Variants in CREB3L2 observed in about 807,000 individuals in gnomAD.
CREB3L2 encodes cAMP responsive element binding protein 3 like 2, also known as cyclic AMP-responsive element-binding protein 3-like protein 2.
In CREB3L2, 23 loss-of-function variants were observed where a neutral mutation model predicts 57.2. The ratio of observed to expected loss-of-function variants is 0.40; its 90% CI spans 0.29 to 0.57. The LOEUF (loss-of-function observed/expected upper bound fraction) is 0.57. Ranked by LOEUF, CREB3L2 falls within the 20% of genes least tolerant of loss-of-function variation. The pLI, the probability that CREB3L2 is intolerant of heterozygous loss-of-function variation, is 0.42. For synonymous variants in CREB3L2, 268 were observed against 265.1 expected (o/e 1.01, Z -0.11); for missense variants, 628 against 634.7 (o/e 0.99, Z 0.11).
intron 1 of CREB3L2, among the ~76,000 whole-genome samples, chr7:137,979,238 C>T (rs528097912): frequency 9.2e-5 from 14 of 152,180 alleles, no homozygotes; most frequent in Non-Finnish European, 1.8e-4. Context: ...TAATTGATCA[C>T]AGCTCTAGCA....
chr7:137,979,484 G>C (rs1801673878), intron 1 of CREB3L2, among the ~76,000 whole-genome samples: 1 of 152,152 alleles, frequency 6.6e-6, no homozygotes, highest in Admixed American at 6.5e-5. Flanking sequence ...CCAGCACTTT[G>C]GGAGGCTGAG....
At chr7:137,972,728 TATATATATAGAGAGAGAGAGAGAGAGAG>T (rs1801536708) in intron 1 of CREB3L2, among the ~76,000 whole-genome samples, 7 of 29,812 alleles carry the variant, frequency 2.3e-4, no homozygotes, top group African/African-American at 1.5e-3. Context: ...TATATATATA[TATATATATAGAGAGAGAGAGAGAGAGAG>T]AGAGAGAGAG....
At chr7:137,964,382 G>A (rs1417945388) in intron 1 of CREB3L2, among the ~76,000 whole-genome samples, 1 of 152,180 alleles carries the variant, frequency 6.6e-6, no homozygotes, top group Non-Finnish European at 1.5e-5. Context: ...CCACTAGCAT[G>A]TCTCTGGCTC....
intron 1 of CREB3L2, chr7:137,999,846 A>T (rs1242450195): frequency 2.6e-5 from 4 of 152,260 alleles, no homozygotes; most frequent in Non-Finnish European, 5.9e-5. Flanking sequence ...TTTTAAAAAT[A>T]GAAATAAAAG....
chr7:137,912,257 A>G (rs1397764070), intron 4 of CREB3L2, among the ~76,000 whole-genome samples: 1 of 151,892 alleles, frequency 6.6e-6, no homozygotes, highest in Non-Finnish European at 1.5e-5. Context: ...CACGCCTGTA[A>G]TTGCAGCTTC....
chr7:137,947,371 G>A lies in CREB3L2; in HGVS notation c.103-19005C>T, dbSNP rs993837271. Among the ~76,000 whole-genome samples, 8 of 152,040 alleles carry A rather than the reference G, an allele frequency of 5.3e-5. No homozygotes were observed. In the South Asian group the frequency reaches 6.2e-4, roughly 12 times the overall value. On this transcript the variant is annotated intron_variant, in intron 1 of 11. Transcript: ENST00000330387. ...TGTCCACTCCCTCACCTACACCCTC[G>A]CTTCTCTGGGTCTACTATCTGAAGA...
intron 1 of CREB3L2, among the ~76,000 whole-genome samples, chr7:137,976,240 C>T (rs1028165663): frequency 6.6e-6 from 1 of 152,234 alleles, no homozygotes. Flanking sequence ...ACCCAGCCAC[C>T]AGGCATGTGC....
Position 137,904,088 on chromosome 7 carries a change from G to A in CREB3L2, c.916-71C>T, listed in dbSNP as rs915428061. 68 of 1,297,474 alleles carry A rather than the reference G, an allele frequency of 5.2e-5. No homozygotes were observed. In the East Asian group the frequency reaches 1.5e-3, roughly 29 times the overall value. 80.4% of individuals were successfully genotyped at this position (1,297,474 alleles called of 1,614,324 possible). On this transcript the variant is annotated intron_variant, in intron 6 of 11. Coordinates refer to ENST00000330387, the MANE Select transcript of CREB3L2 (RefSeq NM_194071.4). Reference sequence around the variant, plus strand: ...AAGTAAACCAGTTAAGATGGGAGGTGGTTAGCGTAGAAGTCACCAAAGCCC... The same window carrying A: ...AAGTAAACCAGTTAAGATGGGAGGTAGTTAGCGTAGAAGTCACCAAAGCCC...
At chr7:137,898,600 C>T (rs530741346) in intron 8 of CREB3L2, among the ~76,000 whole-genome samples, 2 of 152,228 alleles carry the variant, frequency 1.3e-5, no homozygotes, top group South Asian at 4.2e-4. Context: ...TGTGGAGAAC[C>T]GAATAACCAA....
At position 137,946,924 on chromosome 7, in the gene CREB3L2, TTATA is replaced by T. The variant is rs71177934; in HGVS notation, c.103-18562_103-18559del. 1.8e-3 allele frequency among the ~76,000 whole-genome samples: 37 copies of T among 20,582 alleles called. 7 individuals carry two copies. Among genetic ancestry groups the T allele is most frequent in the South Asian group, 6.6e-3 (5 of 754 alleles). The allele number at this position is 20,582 out of a possible 152,430, so 13.5% of individuals were successfully genotyped here. On this transcript the variant is annotated intron_variant, in intron 1 of 11. Coordinates refer to ENST00000330387, the MANE Select transcript of CREB3L2 (RefSeq NM_194071.4). Reference sequence around the variant, plus strand: ...GTTATATATATAGTTATATATATAGTTATATATATAGTTATATATATAGTTATAT... The same window carrying T: ...GTTATATATATAGTTATATATATAGTTATATAGTTATATATATAGTTATAT...
At position 137,875,263 on chromosome 7, in the gene CREB3L2, G is replaced by A. The variant is rs541822976; in HGVS notation, c.*5213C>T. The stretch of plus-strand genomic sequence containing the variant: ...AGCATAGACATTAAAGCTCACCGTT[G>A]ATTATAGCTCAGGGCCTGCTCAGCA... On this transcript the variant is annotated 3_prime_UTR_variant, in exon 12 of 12. Transcript: ENST00000330387. 4.5e-6 allele frequency: 1 copy of A among 220,008 alleles called. No homozygotes were observed. Among genetic ancestry groups the A allele is most frequent in the South Asian group, 1.8e-4 (1 of 5,406 alleles). 13.6% of individuals were successfully genotyped at this position (220,008 alleles called of 1,614,324 possible). A position where few individuals can be genotyped will look rare whatever the true frequency, so the allele number is the denominator to read the frequency against.
intron 2 of CREB3L2, among the ~76,000 whole-genome samples, chr7:137,922,179 C>G (rs1027261974): frequency 6.6e-6 from 1 of 151,126 alleles, no homozygotes; most frequent in South Asian, 2.1e-4. Context: ...TATGGATTAC[C>G]GTACCCTCCC....
intron 1 of CREB3L2, among the ~76,000 whole-genome samples, chr7:137,992,293 C>A (rs988658483): frequency 1.3e-5 from 2 of 152,092 alleles, no homozygotes; most frequent in Non-Finnish European, 2.9e-5. Context: ...AGCCAAAGTA[C>A]AAGCAAAAGT....
chr7:137,928,308 T>C lies in CREB3L2; in HGVS notation c.161A>G (p.Asp54Gly). ...CACACTCTTCTCTGAGAGGAAAGGATCATTCAGGAGCTGACCCAAGACGTT... is the reference window on the plus strand; with the variant it reads ...CACACTCTTCTCTGAGAGGAAAGGACCATTCAGGAGCTGACCCAAGACGTT... ...SQNVLGQLLN[D>G]PFLSEKSVSM... Residue 54 changes from aspartate to glycine, a missense_variant, in exon 2 of 12, where the codon GAT becomes GGT. Physicochemically the swap from Asp to Gly is moderately conservative, Grantham distance 94. Around this residue, in one of 3 missense-constraint regions of CREB3L2, gnomAD observed 339 missense variants for 355.4 expected, o/e 0.95. Coordinates refer to ENST00000330387, the MANE Select transcript of CREB3L2 (RefSeq NM_194071.4). The C allele has an allele frequency of 6.2e-7, 1 of 1,614,144 alleles. No homozygotes were observed. Among genetic ancestry groups the C allele is most frequent in the Non-Finnish European group, 8.5e-7 (1 of 1,180,024 alleles).
At chr7:137,916,256 G>C (rs978211438) in intron 2 of CREB3L2, among the ~76,000 whole-genome samples, 1 of 152,184 alleles carries the variant, frequency 6.6e-6, no homozygotes, top group Non-Finnish European at 1.5e-5. Context: ...CCATAGAAAA[G>C]AAAGAAACTT....
chr7:137,878,094 C>G lies in CREB3L2; in HGVS notation c.*2382G>C, dbSNP rs1468731791. The G allele has an allele frequency of 4.3e-6, 1 of 230,396 alleles. No homozygotes were observed. The highest frequency in any genetic ancestry group is 8.6e-6 in the Non-Finnish European group (1 of 116,456). 14.3% of individuals were successfully genotyped at this position (230,396 alleles called of 1,614,324 possible). On this transcript the variant is annotated 3_prime_UTR_variant, in exon 12 of 12. Coordinates refer to ENST00000330387, the MANE Select transcript of CREB3L2 (RefSeq NM_194071.4). ...AGATTCCGTTTTGGAAGGATGGTTT[C>G]CCAGAGAAAGAGTCCTGCTGTTTGG...
intron 2 of CREB3L2, among the ~76,000 whole-genome samples, chr7:137,924,008 C>T (rs988284375): frequency 3.9e-5 from 6 of 152,148 alleles, no homozygotes; most frequent in Middle Eastern, 3.2e-3. Flanking sequence ...CAGCAATATC[C>T]GCTCACCTTT....
At chr7:137,949,463 G>A (rs185694037) in intron 1 of CREB3L2, among the ~76,000 whole-genome samples, 1 of 152,154 alleles carries the variant, frequency 6.6e-6, no homozygotes, top group Non-Finnish European at 1.5e-5. Flanking sequence ...CAAAGGCTTG[G>A]GGAGGATTTC....
chr7:137,900,683 A>G (rs370150113), intron 8 of CREB3L2, among the ~76,000 whole-genome samples: 4 of 151,792 alleles, frequency 2.6e-5, no homozygotes, highest in African/African-American at 9.7e-5. Context: ...GCGTGCCTGT[A>G]GTCCCAGCTG....
Sources: gnomAD v4.1 joint callset for allele counts (sites outside exome capture counted in the v4.1 genomes callset) on GRCh38, gnomAD v4.1.1 for gene constraint, gnomAD v4.1.1 regional missense constraint, MANE v1.5 for transcripts, NCBI Gene and HGNC (gene_info 2026-07-23, HGNC 2026-07-21) for gene names.